Variants in GSE1 observed in about 807,000 individuals in gnomAD.
GSE1 encodes the protein Gse1 coiled-coil protein, also known as genetic suppressor element 1.
Under a neutral mutation model 112.6 loss-of-function variants are expected in GSE1, and 32 were observed. The ratio of observed to expected loss-of-function variants is 0.28; its 90% CI spans 0.21 to 0.38. The LOEUF (loss-of-function observed/expected upper bound fraction) is 0.38. Ranked by LOEUF, GSE1 falls within the 10% of genes least tolerant of loss-of-function variation. GSE1 has a pLI of 1.00. For synonymous variants in GSE1, 1,115 were observed against 735.6 expected (o/e 1.52, Z -8.35); for missense variants, 2,348 against 1,699.2 (o/e 1.38, Z -6.71).
intron 1 of GSE1, among the ~76,000 whole-genome samples, chr16:85,234,102 G>A (rs935541655): frequency 1.5e-4 from 23 of 152,294 alleles, no homozygotes; most frequent in African/African-American, 4.8e-4. Flanking sequence ...CATTGTAGGC[G>A]TCTGGTTCTG....
At chr16:85,605,869 C>T (rs148190348) in intron 1 of GSE1, among the ~76,000 whole-genome samples, 1 of 151,408 alleles carries the variant, frequency 6.6e-6, no homozygotes, top group Non-Finnish European at 1.5e-5. Context: ...ATGGGCGGCC[C>T]AGGAGCTGAG....
chr16:85,235,326 A>G (rs1207860407), intron 1 of GSE1, among the ~76,000 whole-genome samples: 1 of 151,284 alleles, frequency 6.6e-6, no homozygotes, highest in African/African-American at 2.4e-5. Flanking sequence ...CCCCAGGCGA[A>G]GAGGGGTTGG....
rs111316701 is a variant in GSE1 at position 85,617,271 on chromosome 16, G to A, written c.7+3873G>A. ...AGAGCTGCCCCCGGGAGGCTGGGGC[G>A]GAGTCCAGGCCTGGAGGAAGGAGCT... On this transcript the variant is annotated intron_variant, in intron 1 of 15. Coordinates refer to ENST00000253458, the MANE Select transcript of GSE1 (RefSeq NM_014615.5). 2.4e-3 allele frequency among the ~76,000 whole-genome samples: 361 copies of A among 152,312 alleles called. 2 individuals carry two copies. The highest frequency in any genetic ancestry group is 8.2e-3 in the African/African-American group (340 of 41,582).
intron 1 of GSE1, among the ~76,000 whole-genome samples, chr16:85,583,010 G>A (rs943244395): frequency 3.9e-5 from 6 of 152,160 alleles, no homozygotes; most frequent in African/African-American, 7.2e-5. Flanking sequence ...GCACAGTCTC[G>A]GGGATGCCAG....
chr16:85,526,595 C>T (rs950606942), intron 2 of GSE1, among the ~76,000 whole-genome samples: 1 of 152,156 alleles, frequency 6.6e-6, no homozygotes, highest in Non-Finnish European at 1.5e-5. Flanking sequence ...TGGTTACAGG[C>T]AGTGTGGGAT....
intron 1 of GSE1, among the ~76,000 whole-genome samples, chr16:85,189,545 T>G (rs1370272777): frequency 6.6e-6 from 1 of 152,222 alleles, no homozygotes; most frequent in Admixed American, 6.5e-5. Context: ...TATATGTCTT[T>G]AAAAACCACA....
At chr16:85,650,531 G>C (rs550116343) in intron 3 of GSE1, among the ~76,000 whole-genome samples, 1 of 152,294 alleles carries the variant, frequency 6.6e-6, no homozygotes, top group African/African-American at 2.4e-5. Context: ...CGCCTTTTCC[G>C]GCGACTCCTC....
intron 2 of GSE1, among the ~76,000 whole-genome samples, chr16:85,509,436 C>T (rs1002502774): frequency 4.6e-5 from 7 of 152,206 alleles, no homozygotes; most frequent in African/African-American, 1.4e-4. Context: ...GGTACAGATA[C>T]GAGGAGGCCA....
chr16:85,357,561 C>T (rs1000766432), exon 2 of GSE1: 3 of 1,288,302 alleles, frequency 2.3e-6, no homozygotes, highest in African/African-American at 3.0e-5. Context: ...TGCCCAGAGG[C>T]CCCAGGATGG....
At chr16:85,316,769 C>A (rs2045994629) in intron 1 of GSE1, among the ~76,000 whole-genome samples, 1 of 152,216 alleles carries the variant, frequency 6.6e-6, no homozygotes. Flanking sequence ...TGGCCTATTT[C>A]CTGTGTGTCT....
Position 85,674,533 on chromosome 16 carries a change from A to C in GSE1, c.*1994A>C, listed in dbSNP as rs1405410240. The C allele has an allele frequency of 2.0e-5, 3 of 152,316 alleles. No individual in the cohort carries two copies. Among genetic ancestry groups the C allele is most frequent in the East Asian group, 3.9e-4 (2 of 5,184 alleles). 9.4% of individuals were successfully genotyped at this position (152,316 alleles called of 1,614,324 possible). ...CACTGGATTTCTCCACTGAAAACCT[A>C]CTTGAGGTTTCTGGTCTGAAGGCTT... On this transcript the variant is annotated 3_prime_UTR_variant, in exon 16 of 16. Coordinates refer to ENST00000253458, the MANE Select transcript of GSE1 (RefSeq NM_014615.5).
At chr16:85,352,608 C>A (rs983360352) in intron 1 of GSE1, among the ~76,000 whole-genome samples, 1 of 152,188 alleles carries the variant, frequency 6.6e-6, no homozygotes, top group Non-Finnish European at 1.5e-5. Context: ...CCTGCTTTTT[C>A]AGGGACTGTC....
intron 14 of GSE1, 28 bp downstream of exon 14, chr16:85,668,452 AG>A: frequency 1.1e-6 from 1 of 887,080 alleles, no homozygotes; most frequent in Non-Finnish European, 1.8e-6. Context: ...AAGAGGGGGG[AG>A]GGGGTCAGGA....
At chr16:85,567,949 C>T (rs986804864) in intron 1 of GSE1, among the ~76,000 whole-genome samples, 2 of 152,160 alleles carry the variant, frequency 1.3e-5, no homozygotes, top group African/African-American at 4.8e-5. Context: ...ATCTCGCATT[C>T]CTGGGCTCCA....
intron 1 of GSE1, among the ~76,000 whole-genome samples, chr16:85,312,760 G>T (rs1459414136): frequency 1.3e-5 from 2 of 151,770 alleles, no homozygotes; most frequent in Non-Finnish European, 2.9e-5. Flanking sequence ...GAAGGAGGGG[G>T]AGGAAGGAGA....
chr16:85,274,228 A>T (rs1909136412), intron 1 of GSE1, among the ~76,000 whole-genome samples: 1 of 151,698 alleles, frequency 6.6e-6, no homozygotes, highest in Non-Finnish European at 1.5e-5. Flanking sequence ...TACTAAAAAT[A>T]TACAATCAGC....
At chr16:85,293,592 T>C (rs182673812) in intron 1 of GSE1, among the ~76,000 whole-genome samples, 10 of 152,092 alleles carry the variant, frequency 6.6e-5, no homozygotes, top group Non-Finnish European at 1.2e-4. Context: ...ACAGTAGAAA[T>C]GTATTCTCTC....
chr16:85,563,863 G>A (rs1280680115), intron 1 of GSE1, among the ~76,000 whole-genome samples: 1 of 152,246 alleles, frequency 6.6e-6, no homozygotes, highest in Non-Finnish European at 1.5e-5. Flanking sequence ...CTGCTCCTGG[G>A]TTGGACCGGG....
chr16:85,184,530 C>T (rs1164944269), intron 1 of GSE1, among the ~76,000 whole-genome samples: 1 of 152,184 alleles, frequency 6.6e-6, no homozygotes, highest in Non-Finnish European at 1.5e-5. Flanking sequence ...CCCATGAGAG[C>T]TCCTTTTCTC....
Sources: gnomAD v4.1 joint callset for allele counts (sites outside exome capture counted in the v4.1 genomes callset) on GRCh38, gnomAD v4.1.1 for gene constraint, MANE v1.5 for transcripts, NCBI Gene and HGNC (gene_info 2026-07-23, HGNC 2026-07-21) for gene names.